The following CACNA1B variants were observed in gnomAD, a reference collection of about 807,000 sequenced individuals.
CACNA1B encodes the protein calcium voltage-gated channel subunit alpha1 B.
In CACNA1B, 70 loss-of-function variants were observed where a neutral mutation model predicts 247.2. That is an observed-to-expected ratio of 0.28 (90% CI 0.23 to 0.35). CACNA1B has a LOEUF of 0.35. Among genes scored for constraint, CACNA1B ranks in the 10% least tolerant of loss-of-function variants. The pLI, the probability that CACNA1B is intolerant of heterozygous loss-of-function variation, is 1.00. For missense variants in CACNA1B, 2,367 were observed against 3,197.4 expected, an observed-to-expected ratio of 0.74 and a Z score of 6.26; for synonymous variants, 1,231 against 1,294.4, an observed-to-expected ratio of 0.95 and a Z score of 1.05.
intron 12 of CACNA1B, among the ~76,000 whole-genome samples, chr9:137,980,958 T>C (rs1958287039): frequency 6.6e-6 from 1 of 152,202 alleles, no homozygotes; most frequent in African/African-American, 2.4e-5. Flanking sequence ...AGTGCTGTGG[T>C]GAACAAATGC....
chr9:138,049,077 A>G (rs1279103026), intron 23 of CACNA1B, 132 bp from the exon 24 acceptor site: 3 of 678,754 alleles, frequency 4.4e-6, no homozygotes, highest in South Asian at 1.7e-5. Flanking sequence ...CTGGTGTCCA[A>G]CTCCCGGGCT....
chr9:138,118,251 G>A (rs1312429141), intron 43 of CACNA1B, among the ~76,000 whole-genome samples, 170 bp downstream of exon 43: 10 of 58,624 alleles, frequency 1.7e-4, no homozygotes, highest in African/African-American at 8.4e-4. Flanking sequence ...GGTGGGGGAT[G>A]TGTGAGACCA....
Position 138,057,909 on chromosome 9 carries a change from C to T in CACNA1B, c.4106+40C>T, listed in dbSNP as rs1959573123. The T allele has an allele frequency of 6.3e-7, 1 of 1,590,522 alleles. No homozygotes were observed. Among genetic ancestry groups the T allele is most frequent in the South Asian group, 1.1e-5 (1 of 89,326 alleles). ...TGCTCTCCGTAGCTGGGGCAGGCAG[C>T]CCCTGAGCTCGGCCTCCCTTCCTCC... On this transcript the variant is annotated intron_variant, in intron 27 of 46. Coordinates refer to ENST00000371372, the MANE Select transcript of CACNA1B (RefSeq NM_000718.4). The surrounding 1 kb of genome is among the most constrained non-coding windows in gnomAD (Gnocchi z 4.0).
At chr9:138,082,926 C>T (rs1359209051) in intron 36 of CACNA1B, among the ~76,000 whole-genome samples, 8 of 150,662 alleles carry the variant, frequency 5.3e-5, no homozygotes, top group Admixed American at 2.0e-4. Context: ...ACCAAGCAAA[C>T]ACCACCACCC....
intron 37 of CACNA1B, among the ~76,000 whole-genome samples, chr9:138,099,622 C>T (rs774831697): frequency 6.2e-5 from 9 of 146,232 alleles, no homozygotes; most frequent in Non-Finnish European, 1.2e-4. Context: ...TGTACTCGTG[C>T]CTGTGGTGTG....
At chr9:137,910,519 A>G (rs1330171406) in intron 3 of CACNA1B, among the ~76,000 whole-genome samples, 3 of 152,186 alleles carry the variant, frequency 2.0e-5, no homozygotes, top group Non-Finnish European at 1.5e-5. Flanking sequence ...ACATTGTGAT[A>G]TATAATGAAA....
At chr9:138,069,923 C>T (rs572505588) in intron 32 of CACNA1B, among the ~76,000 whole-genome samples, 160 bp downstream of exon 32, 19 of 152,226 alleles carry the variant, frequency 1.2e-4, no homozygotes, top group Non-Finnish European at 2.8e-4. Context: ...CTTGCTCCCT[C>T]GGCTCTGGGC....
Position 138,072,456 on chromosome 9 carries a change from G to A in CACNA1B, c.4675-1032G>A, listed in dbSNP as rs1960165806. On this transcript the variant is annotated intron_variant, in intron 32 of 46. Transcript: ENST00000371372. The surrounding 1 kb of genome is among the most constrained non-coding windows in gnomAD (Gnocchi z 4.5). ...GCCTGCACGTGCTCCTGCTGCTGCT[G>A]TCTCATTTGACATCTGTGTTCTCTT... Among the ~76,000 whole-genome samples the A allele has an allele frequency of 6.6e-6, 1 of 152,258 alleles. No homozygotes were observed. Among genetic ancestry groups the A allele is most frequent in the Admixed American group, 6.5e-5 (1 of 15,286 alleles).
rs1415840122 is a variant in CACNA1B, at chr9:138,023,300, C to G, written c.2557C>G (p.Arg853Gly). ...EGVDPPRRHH[R>G]HRDKDKTPAA... ...CGTCGACCCTCCGCGCAGGCACCAC[C>G]GGCACCGCGACAAGGACAAGACCCC... The change falls in exon 19 of 47, where the codon CGG becomes GGG. Residue 853 changes from arginine (R) to glycine (G), a missense_variant. Coordinates refer to ENST00000371372, the MANE Select transcript of CACNA1B (RefSeq NM_000718.4). 1.3e-6 allele frequency: 2 copies of G among 1,515,040 alleles called. No individual in the cohort carries two copies. The highest frequency in any genetic ancestry group is 4.1e-5 in the Admixed American group (2 of 49,222). The allele number at this position is 1,515,040 out of a possible 1,614,324, so 93.8% of individuals were successfully genotyped here.
chr9:138,003,039 C>T (rs373453143), intron 15 of CACNA1B, among the ~76,000 whole-genome samples: 17 of 151,062 alleles, frequency 1.1e-4, no homozygotes, highest in Admixed American at 2.6e-4. Context: ...CCTTGTGATC[C>T]GTCCACCTTG....
Position 137,957,102 on chromosome 9 carries a change from G to T in CACNA1B, c.1243+275G>T, listed in dbSNP as rs1437676562. Among the ~76,000 whole-genome samples the T allele has an allele frequency of 3.3e-5, 5 of 152,186 alleles. No homozygotes were observed. The highest frequency in any genetic ancestry group is 2.4e-5 in the African/African-American group (1 of 41,462). Reference sequence around the variant, plus strand: ...GGGAGGGCTCATGGCACAACCTGGGGCCATGAGAGGGAGCCCGGGCCCCAC... The same window carrying T: ...GGGAGGGCTCATGGCACAACCTGGGTCCATGAGAGGGAGCCCGGGCCCCAC... On this transcript the variant is annotated intron_variant, in intron 9 of 46. Coordinates refer to ENST00000371372, the MANE Select transcript of CACNA1B (RefSeq NM_000718.4). The surrounding 1 kb of genome is among the most constrained non-coding windows in gnomAD (Gnocchi z 4.7).
chr9:138,053,818 C>T, intron 25 of CACNA1B, 28 bp from the exon 26 acceptor site: 1 of 1,591,800 alleles, frequency 6.3e-7, no homozygotes, highest in Non-Finnish European at 8.6e-7. Flanking sequence ...TCCACCCCCT[C>T]ATCATGGCTC....
intron 3 of CACNA1B, among the ~76,000 whole-genome samples, chr9:137,893,514 G>A (rs1318053959): frequency 4.6e-5 from 7 of 151,748 alleles, no homozygotes; most frequent in Non-Finnish European, 1.0e-4. Context: ...AGCCGGGCAA[G>A]GTGGCACGCG....
At chr9:137,900,791 CTG>C (rs1490701034) in intron 3 of CACNA1B, among the ~76,000 whole-genome samples, 1 of 128,020 alleles carries the variant, frequency 7.8e-6, no homozygotes, top group East Asian at 2.5e-4. Context: ...GTCCTTGTGT[CTG>C]TGTGTGTACC....
chr9:137,926,725 T>G (rs984994640), intron 6 of CACNA1B, among the ~76,000 whole-genome samples: 7 of 152,270 alleles, frequency 4.6e-5, no homozygotes, highest in Non-Finnish European at 2.9e-5. Context: ...TTTTTGATAG[T>G]AGCCATTTTA....
In CACNA1B at chr9:137,881,696, G is replaced by T. The variant is rs1564869755; in HGVS notation, c.391-1048G>T. Among the ~76,000 whole-genome samples, 1 of 152,156 alleles carries T rather than the reference G, an allele frequency of 6.6e-6. No homozygotes were observed. On this transcript the variant is annotated intron_variant, in intron 2 of 46. Transcript: ENST00000371372. The surrounding 1 kb of genome is among the most constrained non-coding windows in gnomAD (Gnocchi z 4.3). ...GGGCCTTTCCCTGCCAGCCCCACGC[G>T]TGTGCTCACGAGGAGTCTTTGGGGT...
intron 10 of CACNA1B, among the ~76,000 whole-genome samples, chr9:137,963,934 A>G (rs1030562083): frequency 6.6e-6 from 1 of 152,096 alleles, no homozygotes; most frequent in African/African-American, 2.4e-5. Context: ...AAAGGATCTT[A>G]TTTCTCCTTC....
At chr9:138,061,479 A>T (rs142645568) in intron 31 of CACNA1B, among the ~76,000 whole-genome samples, 1 of 152,146 alleles carries the variant, frequency 6.6e-6, no homozygotes, top group South Asian at 2.1e-4. Context: ...CCGTTGGTTC[A>T]TCTTGAAATA....
chr9:137,878,475 C>T (rs1049127095), intron 1 of CACNA1B, among the ~76,000 whole-genome samples: 2 of 152,140 alleles, frequency 1.3e-5, no homozygotes, highest in Non-Finnish European at 2.9e-5. Context: ...CTGGTCGGTG[C>T]ACAGTGCGCG....
Sources: gnomAD v4.1 joint callset for allele counts (sites outside exome capture counted in the v4.1 genomes callset) on GRCh38, gnomAD v4.1.1 for gene constraint, Gnocchi (gnomAD v3.1) non-coding constraint, MANE v1.5 for transcripts, NCBI Gene and HGNC (gene_info 2026-07-23, HGNC 2026-07-21) for gene names.